SIPA1L1: variants seen among roughly 807,000 people sequenced by gnomAD.
The protein encoded by SIPA1L1 is signal induced proliferation associated 1 like 1, also known as signal-induced proliferation-associated 1-like protein 1.
Under a neutral mutation model 162.7 loss-of-function variants are expected in SIPA1L1, and 26 were observed. The observed-to-expected ratio is 0.16, with a 90% confidence interval of 0.12 to 0.22. SIPA1L1 has a LOEUF of 0.22. Among genes scored for constraint, SIPA1L1 ranks in the 10% least tolerant of loss-of-function variants. The pLI is 1.00. For synonymous variants in SIPA1L1, 829 were observed against 837.4 expected (o/e 0.99, Z 0.17); for missense variants, 1,874 against 2,241.0 (o/e 0.84, Z 3.31).
Position 71,716,828 on chromosome 14 carries a change from A to ATGGTT in SIPA1L1, c.4209-6817_4209-6813dup, listed in dbSNP as rs373021606. On this transcript the variant is annotated intron_variant, in intron 17 of 23. Transcript: ENST00000381232. Reference sequence around the variant, plus strand: ...CACCAGGTTGCTGTACACGTGATCCATGGTTTCATTTGAGCATCAGGTCAA... The same window carrying ATGGTT: ...CACCAGGTTGCTGTACACGTGATCCATGGTTTGGTTTCATTTGAGCATCAGGTCAA... Among the ~76,000 whole-genome samples, 30 of 152,328 alleles carry ATGGTT rather than the reference A, an allele frequency of 2.0e-4. 1 individual carries two copies. Among genetic ancestry groups the ATGGTT allele is most frequent in the Middle Eastern group, 3.4e-3 (1 of 294 alleles).
chr14:71,581,294 A>G (rs4902940), intron 4 of SIPA1L1, among the ~76,000 whole-genome samples: 151,645 of 152,330 alleles, frequency 1, 75,484 homozygotes, highest in East Asian at 1. Context: ...GCCTCCCAAA[A>G]TGTTGGGATT....
intron 2 of SIPA1L1, among the ~76,000 whole-genome samples, chr14:71,422,420 A>G (rs1393340439): frequency 6.6e-6 from 1 of 152,164 alleles, no homozygotes; most frequent in Non-Finnish European, 1.5e-5. Context: ...ATCCATCTTC[A>G]TAACTCTTTT....
intron 5 of SIPA1L1, among the ~76,000 whole-genome samples, chr14:71,610,776 C>G (rs1315216214): frequency 6.6e-6 from 1 of 151,980 alleles, no homozygotes; most frequent in Non-Finnish European, 1.5e-5. Context: ...TAAAGTTTGC[C>G]TTTTACTGAA....
chr14:71,591,657 C>A (rs756550993), intron 5 of SIPA1L1, among the ~76,000 whole-genome samples: 4 of 152,198 alleles, frequency 2.6e-5, no homozygotes, highest in Non-Finnish European at 4.4e-5. Context: ...GTTTTATTAT[C>A]ATTAACACAT....
intron 7 of SIPA1L1, among the ~76,000 whole-genome samples, chr14:71,633,631 A>C (rs2040824842): frequency 1.3e-5 from 2 of 152,236 alleles, no homozygotes; most frequent in Admixed American, 1.3e-4. Context: ...AATATGGGCC[A>C]TTAGCAGTCT....
At chr14:71,700,738 T>C (rs146364646) in intron 14 of SIPA1L1, among the ~76,000 whole-genome samples, 3 of 152,236 alleles carry the variant, frequency 2.0e-5, no homozygotes, top group Non-Finnish European at 4.4e-5. Flanking sequence ...CTGTCGCCTG[T>C]AATCCCAGCA....
rs562420887 is a variant in SIPA1L1, at chr14:71,657,784, A to G, written c.1994-549A>G. Among the ~76,000 whole-genome samples, 15 of 151,894 alleles carry G rather than the reference A, an allele frequency of 9.9e-5. No individual in the cohort carries two copies. The South Asian group carries it at 3.1e-3, about 32-fold the overall frequency. On this transcript the variant is annotated intron_variant, in intron 8 of 23. Transcript: ENST00000381232. ...AGAATTCAGGGGTCTGTGAACTTGG[A>G]TGGGAAATAAGATTTTCTTTATTTT...
Position 71,330,494 on chromosome 14 carries a change from G to A in SIPA1L1, c.-465+9313G>A. ...ACAGCTAGAACTTGGTCCCCTTCCT[G>A]AAGTCCTGCTCTATGTGCATCAGAG... is the stretch of plus-strand genomic sequence containing the variant. On this transcript the variant is annotated intron_variant, in intron 2 of 23. Coordinates refer to ENST00000381232, the MANE Select transcript of SIPA1L1 (RefSeq NM_001386936.1). 1.2e-6 allele frequency: 2 copies of A among 1,604,288 alleles called. 1 individual carries two copies.
At chr14:71,433,088 C>G (rs994327000) in intron 2 of SIPA1L1, among the ~76,000 whole-genome samples, 1 of 152,118 alleles carries the variant, frequency 6.6e-6, no homozygotes, top group Non-Finnish European at 1.5e-5. Context: ...TGGATATTTA[C>G]AGAGATCAGG....
intron 2 of SIPA1L1, among the ~76,000 whole-genome samples, chr14:71,451,508 G>A (rs958290795): frequency 6.6e-6 from 1 of 151,700 alleles, no homozygotes; most frequent in Admixed American, 6.6e-5. Context: ...AGTGGTGCAT[G>A]CCTGTAGTCC....
intron 8 of SIPA1L1, among the ~76,000 whole-genome samples, chr14:71,656,098 T>C (rs1397374778): frequency 6.6e-6 from 1 of 152,196 alleles, no homozygotes; most frequent in Non-Finnish European, 1.5e-5. Context: ...TCTGAAACTA[T>C]TCCCAAACTG....
rs181837728 is a variant in SIPA1L1 at position 71,377,841 on chromosome 14, C to G, written c.-465+56660C>G. ...AAATACAAAAACCAGTCAGGCGTGG[C>G]GGCGCGTGCCTGCAATCCCAGGCAC... On this transcript the variant is annotated intron_variant, in intron 2 of 23. Coordinates refer to ENST00000381232, the MANE Select transcript of SIPA1L1 (RefSeq NM_001386936.1). The surrounding 1 kb of genome is among the most constrained non-coding windows in gnomAD (Gnocchi z 4.8). Among the ~76,000 whole-genome samples the G allele has an allele frequency of 6.6e-6, 1 of 152,128 alleles. No individual in the cohort carries two copies. The highest frequency in any genetic ancestry group is 1.5e-5 in the Non-Finnish European group (1 of 68,012).
chr14:71,533,013 C>T (rs1268423784), intron 4 of SIPA1L1, among the ~76,000 whole-genome samples: 1 of 152,158 alleles, frequency 6.6e-6, no homozygotes, highest in Non-Finnish European at 1.5e-5. Context: ...ATCTGTTTTG[C>T]TTCCTCCTAA....
In SIPA1L1 at chr14:71,628,207, A is replaced by G. The variant is rs190501193; in HGVS notation, c.1818+3971A>G. 8.5e-5 allele frequency among the ~76,000 whole-genome samples: 13 copies of G among 152,342 alleles called. No homozygotes were observed. The East Asian group carries it at 2.1e-3, about 25-fold the overall frequency. On this transcript the variant is annotated intron_variant, in intron 7 of 23. Coordinates refer to ENST00000381232, the MANE Select transcript of SIPA1L1 (RefSeq NM_001386936.1). ...AGTCAGCTTTTAAATAATGTAGAAA[A>G]TTCAGATACTTTTAAATTTGCCATA...
At chr14:71,547,329 CT>C (rs2055323183) in intron 4 of SIPA1L1, among the ~76,000 whole-genome samples, 7 of 136,712 alleles carry the variant, frequency 5.1e-5, no homozygotes, top group Non-Finnish European at 1.1e-4. Context: ...TGGAGTCTCG[CT>C]CTGTCGAGGC....
At chr14:71,555,158 T>C (rs1352525571) in intron 4 of SIPA1L1, among the ~76,000 whole-genome samples, 2 of 152,242 alleles carry the variant, frequency 1.3e-5, no homozygotes, top group Non-Finnish European at 2.9e-5. Context: ...CATTGACTTC[T>C]CCTCTGTAGC....
chr14:71,632,892 G>A (rs547625817), intron 7 of SIPA1L1, among the ~76,000 whole-genome samples: 29 of 152,158 alleles, frequency 1.9e-4, no homozygotes, highest in Non-Finnish European at 3.1e-4. Context: ...GCTAAATAGA[G>A]GATTTAAATA....
Position 71,587,990 on chromosome 14 carries a change from C to G in SIPA1L1, c.118C>G (p.Arg40Gly). 1 of 1,614,092 alleles carries G rather than the reference C, an allele frequency of 6.2e-7. No homozygotes were observed. Among genetic ancestry groups the G allele is most frequent in the Non-Finnish European group, 8.5e-7 (1 of 1,179,980 alleles). ...HTDDFYMRRF[R>G]SQNGSLGSSV... ...TGATGATTTCTACATGCGGCGCTTC[C>G]GGTCCCAAAATGGCAGCTTAGGATC... Residue 40 changes from arginine to glycine, a missense_variant, in exon 5 of 24, where the codon CGG (arginine) becomes GGG (glycine). By Grantham distance (125) the Arg-to-Gly change is moderately radical. This residue lies in a region of SIPA1L1 where 685 missense variants were observed against 828.0 expected (regional missense o/e 0.83). Coordinates refer to ENST00000381232, the MANE Select transcript of SIPA1L1 (RefSeq NM_001386936.1).
At chr14:71,398,669 G>T (rs1410745417) in intron 2 of SIPA1L1, among the ~76,000 whole-genome samples, 2 of 152,222 alleles carry the variant, frequency 1.3e-5, no homozygotes, top group Non-Finnish European at 2.9e-5. Flanking sequence ...TGATGTAGAA[G>T]TAGGCACCTG....
Sources: gnomAD v4.1 joint callset for allele counts (sites outside exome capture counted in the v4.1 genomes callset) on GRCh38, gnomAD v4.1.1 for gene constraint, gnomAD v4.1.1 regional missense constraint, Gnocchi (gnomAD v3.1) non-coding constraint, MANE v1.5 for transcripts, NCBI Gene and HGNC (gene_info 2026-07-23, HGNC 2026-07-21) for gene names.